ELMO1: variants seen among roughly 807,000 people sequenced by gnomAD.
ELMO1 encodes engulfment and cell motility 1.
In ELMO1, 26 loss-of-function variants were observed where a neutral mutation model predicts 98.9. The ratio of observed to expected loss-of-function variants is 0.26; its 90% CI spans 0.19 to 0.36. The LOEUF (loss-of-function observed/expected upper bound fraction) is 0.36, where lower values mean the gene tolerates loss of function less well. Ranked by LOEUF, ELMO1 falls within the 10% of genes least tolerant of loss-of-function variation. The pLI is 1.00. For synonymous variants in ELMO1, 346 were observed against 346.0 expected (o/e 1.00, Z 0.00); for missense variants, 627 against 935.2 (o/e 0.67, Z 4.30).
intron 15 of ELMO1, among the ~76,000 whole-genome samples, chr7:37,047,383 T>C (rs1795853512): frequency 6.6e-6 from 1 of 152,260 alleles, no homozygotes; most frequent in Non-Finnish European, 1.5e-5. Flanking sequence ...CAACAGTGGA[T>C]TCAGGTTCAA....
intron 13 of ELMO1, among the ~76,000 whole-genome samples, chr7:37,164,974 G>A (rs1053130626): frequency 2.6e-5 from 4 of 152,022 alleles, no homozygotes; most frequent in Non-Finnish European, 5.9e-5. Flanking sequence ...CCATGAGCAT[G>A]GAATGTTCTT....
At chr7:37,047,136 G>T (rs1185871005) in intron 15 of ELMO1, among the ~76,000 whole-genome samples, 1 of 152,234 alleles carries the variant, frequency 6.6e-6, no homozygotes, top group Admixed American at 6.5e-5. Context: ...AATGTCTACA[G>T]GCATAGAGCT....
At chr7:37,091,382 C>G (rs1340582568) in intron 15 of ELMO1, among the ~76,000 whole-genome samples, 1 of 152,218 alleles carries the variant, frequency 6.6e-6, no homozygotes, top group Non-Finnish European at 1.5e-5. Flanking sequence ...GCTGGGATTA[C>G]AGGCGTGAGC....
chr7:37,367,476 G>A (rs1801949986), intron 1 of ELMO1, among the ~76,000 whole-genome samples: 1 of 152,174 alleles, frequency 6.6e-6, no homozygotes, highest in African/African-American at 2.4e-5. Flanking sequence ...AGTGAATGAA[G>A]GAAGAAAAGG....
rs763765242 is a variant in ELMO1, at chr7:36,960,633, AT to A, written c.1437+52665del. ...CTCACTCACCCCTTAAACCTTCTTT[AT>A]TTTTTTTCTATGACACTTCTATGAC... is the stretch of plus-strand genomic sequence containing the variant. On this transcript the variant is annotated intron_variant, in intron 16 of 21. Coordinates refer to ENST00000310758, the MANE Select transcript of ELMO1 (RefSeq NM_014800.11). Among the ~76,000 whole-genome samples the A allele has an allele frequency of 3.7e-4, 53 of 144,728 alleles. No individual in the cohort carries two copies. The East Asian group carries it at 0.01, about 28-fold the overall frequency. 94.9% of individuals were successfully genotyped at this position (144,728 alleles called of 152,430 possible).
intron 16 of ELMO1, among the ~76,000 whole-genome samples, chr7:37,005,929 C>T (rs1360837116): frequency 6.6e-6 from 1 of 152,140 alleles, no homozygotes; most frequent in African/African-American, 2.4e-5. Flanking sequence ...TGCCTGATGT[C>T]ATCAGGGCGC....
intron 14 of ELMO1, among the ~76,000 whole-genome samples, chr7:37,111,736 A>G (rs1357722049): frequency 6.6e-6 from 1 of 152,262 alleles, no homozygotes; most frequent in East Asian, 1.9e-4. Context: ...TCATAACCAT[A>G]GCCTGGAAAC....
chr7:37,292,673 A>C (rs1411406167), intron 4 of ELMO1, among the ~76,000 whole-genome samples: 2 of 92,156 alleles, frequency 2.2e-5, no homozygotes, highest in African/African-American at 7.2e-5. Context: ...TCCGCCCAGC[A>C]GCCACCCCGT....
Position 37,351,991 on chromosome 7 carries a change from T to A in ELMO1, c.-73-9228A>T, listed in dbSNP as rs369692967. On this transcript the variant is annotated intron_variant, in intron 1 of 21. Transcript: ENST00000310758. Reference sequence around the variant, plus strand: ...TCCAGCATTTCCCACACAGCACCGCTTCTCTGAGTTATTTATAAATGCAAT... The same window carrying A: ...TCCAGCATTTCCCACACAGCACCGCATCTCTGAGTTATTTATAAATGCAAT... Among the ~76,000 whole-genome samples, 16 of 152,312 alleles carry A rather than the reference T, an allele frequency of 1.1e-4. No individual in the cohort carries two copies. The East Asian group carries it at 2.9e-3, about 28-fold the overall frequency.
chr7:37,117,189 A>C (rs1041868974), intron 14 of ELMO1: 3 of 177,048 alleles, frequency 1.7e-5, no homozygotes, highest in African/African-American at 7.0e-5. Context: ...AGCTGTTTGG[A>C]TTTTTCTGCA....
In ELMO1 at chr7:36,853,293, G is replaced by A. The variant is rs978019855; in HGVS notation, c.*2258C>T. Reference sequence around the variant, plus strand: ...CTATTAAATGCACCAAAGCTGGAGTGCCAGAAGAGAGAGGGGCTGGATCTC... The same window carrying A: ...CTATTAAATGCACCAAAGCTGGAGTACCAGAAGAGAGAGGGGCTGGATCTC... On this transcript the variant is annotated 3_prime_UTR_variant, in exon 22 of 22. Transcript: ENST00000310758. Among the ~76,000 whole-genome samples, 6 of 152,214 alleles carry A rather than the reference G, an allele frequency of 3.9e-5. No individual in the cohort carries two copies. Among genetic ancestry groups the A allele is most frequent in the African/African-American group, 1.4e-4 (6 of 41,458 alleles).
chr7:37,417,518 G>C (rs1804275273), intron 1 of ELMO1, among the ~76,000 whole-genome samples: 1 of 152,142 alleles, frequency 6.6e-6, no homozygotes, highest in African/African-American at 2.4e-5. Context: ...AACAAAATTA[G>C]CTGGGCATGG....
At chr7:37,223,611 G>A (rs1382710391) in intron 9 of ELMO1, among the ~76,000 whole-genome samples, 1 of 152,192 alleles carries the variant, frequency 6.6e-6, no homozygotes, top group Non-Finnish European at 1.5e-5. Flanking sequence ...ATGAAGATGT[G>A]TGCCTTTGAG....
At chr7:36,927,357 C>A (rs1356869888) in intron 16 of ELMO1, among the ~76,000 whole-genome samples, 4 of 152,214 alleles carry the variant, frequency 2.6e-5, no homozygotes, top group Non-Finnish European at 5.9e-5. Context: ...AAGATTGTTT[C>A]TTTAACCTAA....
At chr7:36,932,861 C>T (rs1056326527) in intron 16 of ELMO1, among the ~76,000 whole-genome samples, 1 of 152,146 alleles carries the variant, frequency 6.6e-6, no homozygotes, top group African/African-American at 2.4e-5. Flanking sequence ...CAAGAGCTCC[C>T]TAGATGTTTG....
chr7:37,374,888 C>A (rs948796146), intron 1 of ELMO1, among the ~76,000 whole-genome samples: 1 of 151,768 alleles, frequency 6.6e-6, no homozygotes, highest in African/African-American at 2.4e-5. Flanking sequence ...GGTGAAACTA[C>A]GTCTCTACTA....
chr7:37,005,692 CAA>C (rs71553094), intron 16 of ELMO1, among the ~76,000 whole-genome samples: 2,312 of 37,118 alleles, frequency 0.062, 14 homozygotes, highest in East Asian at 0.15. Flanking sequence ...GACTCTGTCT[CAA>C]AAAAAAAAAA....
chr7:37,042,792 C>T (rs1584555608), intron 15 of ELMO1, among the ~76,000 whole-genome samples: 1 of 152,196 alleles, frequency 6.6e-6, no homozygotes, highest in Non-Finnish European at 1.5e-5. Context: ...TTCTTTGTAA[C>T]ATTCAAGTCT....
In ELMO1 at chr7:37,375,514, C is replaced by T; in HGVS notation, c.-73-32751G>A. 3 of 866,962 alleles carry T rather than the reference C, an allele frequency of 3.5e-6. No homozygotes were observed. The East Asian group carries it at 7.7e-5, about 22-fold the overall frequency. 53.7% of individuals were successfully genotyped at this position (866,962 alleles called of 1,614,324 possible). A position where few individuals can be genotyped will look rare whatever the true frequency, so the allele number is the denominator to read the frequency against. ...CAAGCCCCGGCCCCGGACCCCAGAG[C>T]CACCAAGATGTTGATGCCTAAGAAG... On this transcript the variant is annotated intron_variant, in intron 1 of 21. Transcript: ENST00000310758.
Sources: allele counts gnomAD v4.1 joint callset (sites outside exome capture counted in the v4.1 genomes callset), GRCh38; gene constraint gnomAD v4.1.1; transcripts MANE v1.5; gene names NCBI Gene and HGNC (gene_info 2026-07-23, HGNC 2026-07-21).